B4GALNT4: variants seen among roughly 807,000 people sequenced by gnomAD.
B4GALNT4 encodes beta-1,4-N-acetyl-galactosaminyltransferase 4.
In B4GALNT4, 77 loss-of-function variants were observed where a neutral mutation model predicts 110.0. The ratio of observed to expected loss-of-function variants is 0.70; its 90% CI spans 0.58 to 0.85. B4GALNT4 has a LOEUF of 0.85. B4GALNT4 is among the 40% of genes least tolerant of loss of function. B4GALNT4 has a pLI of 0.00. For missense variants in B4GALNT4, 1,575 were observed against 1,506.0 expected (o/e 1.05, Z -0.76); for synonymous variants, 785 against 655.5 (o/e 1.20, Z -3.02).
intron 10 of B4GALNT4, 35 bp downstream of exon 10, chr11:375,808 G>T (rs1217353575): frequency 6.2e-7 from 1 of 1,603,086 alleles, no homozygotes; most frequent in African/African-American, 1.3e-5. Flanking sequence ...GAGGGCGGGG[G>T]TGCCTGCCCC....
At chr11:375,336 C>G (rs973280790) in intron 8 of B4GALNT4, 125 bp from the exon 9 acceptor site, 20 of 1,006,494 alleles carry the variant, frequency 2.0e-5, no homozygotes, top group Middle Eastern at 6.1e-4. Context: ...CCTCTGCCAT[C>G]TCCTCTCCTG....
Position 375,654 on chromosome 11 carries a change from A to C in B4GALNT4, c.866A>C (p.Lys289Thr). Residue 289 changes from lysine to threonine, a missense_variant, in exon 10 of 20, where the codon AAG (lysine) becomes ACG (threonine). By Grantham distance (78) the Lys-to-Thr change is moderately conservative. Transcript: ENST00000329962. Reference protein sequence around the residue: ...ISLYTDESALKMDHVAHVPQS... With the variant: ...ISLYTDESALTMDHVAHVPQS... The stretch of plus-strand genomic sequence containing the variant: ...CTGCCCCCAGATGAGTCAGCCTTGA[A>C]GATGGACCACGTGGCGCACGTCCCC... The C allele has an allele frequency of 6.3e-7, 1 of 1,592,188 alleles. No homozygotes were observed. The highest frequency in any genetic ancestry group is 1.1e-5 in the South Asian group (1 of 90,798).
At chr11:372,421 C>A (rs1846633212) in intron 2 of B4GALNT4, among the ~76,000 whole-genome samples, 1 of 152,194 alleles carries the variant, frequency 6.6e-6, no homozygotes, top group East Asian at 1.9e-4. Context: ...GCAGCAGGTG[C>A]ATGAATGTGC....
At chr11:373,137 C>CG (rs778194432) in intron 5 of B4GALNT4, 21 bp downstream of exon 5, 3 of 1,612,256 alleles carry the variant, frequency 1.9e-6, no homozygotes, top group Admixed American at 1.7e-5. Context: ...GAGGGTGCCC[C>CG]GGGGGAGGGG....
At position 369,706 on chromosome 11, in the gene B4GALNT4, C is replaced by T. The variant is rs1200401118; in HGVS notation, c.-98C>T. On this transcript the variant is annotated 5_prime_UTR_variant, in exon 1 of 20. Transcript: ENST00000329962. ...ACCATGCGGGGCCGCGGGCGCTGAG[C>T]GCGGCGGGGCGGGCCGGGGATGCGG... 2.0e-5 allele frequency: 12 copies of T among 593,658 alleles called. No individual in the cohort carries two copies. Among genetic ancestry groups the T allele is most frequent in the South Asian group, 7.4e-5 (1 of 13,470 alleles). 36.8% of individuals were successfully genotyped at this position (593,658 alleles called of 1,614,324 possible).
At chr11:378,017 G>A (rs949967660) in intron 14 of B4GALNT4, among the ~76,000 whole-genome samples, 4 of 152,246 alleles carry the variant, frequency 2.6e-5, no homozygotes, top group Middle Eastern at 3.2e-3. Context: ...GGCAGAGGCA[G>A]GGGCAGAGGA....
In B4GALNT4 at chr11:369,575, G is replaced by T. The variant is rs1292502794; in HGVS notation, c.-229G>T. 5.6e-5 allele frequency among the ~76,000 whole-genome samples: 8 copies of T among 143,206 alleles called. No homozygotes were observed. The highest frequency in any genetic ancestry group is 1.1e-4 in the Non-Finnish European group (7 of 64,766). 93.9% of individuals were successfully genotyped at this position (143,206 alleles called of 152,430 possible). A position where few individuals can be genotyped will look rare whatever the true frequency, so the allele number is the denominator to read the frequency against. On this transcript the variant is annotated 5_prime_UTR_variant, in exon 1 of 20. Transcript: ENST00000329962. Reference sequence around the variant, plus strand: ...GCGCGGAGCCGGGAGCGGCCGGGCGGGGGGCACCGCGAGGAGCCGCCCCCG... The same window carrying T: ...GCGCGGAGCCGGGAGCGGCCGGGCGTGGGGCACCGCGAGGAGCCGCCCCCG...
chr11:381,951 C>T lies in B4GALNT4; in HGVS notation c.*159C>T, dbSNP rs1464639679. Reference sequence around the variant, plus strand: ...GGCCCACTGGGCGTCGTGCCCCTCCCCGGAGAGGCAGCCTTCACGGCGGGT... The same window carrying T: ...GGCCCACTGGGCGTCGTGCCCCTCCTCGGAGAGGCAGCCTTCACGGCGGGT... On this transcript the variant is annotated 3_prime_UTR_variant, in exon 20 of 20. Transcript: ENST00000329962. The T allele has an allele frequency of 4.0e-5, 34 of 851,840 alleles. No individual in the cohort carries two copies. The South Asian group carries it at 7.2e-4, about 18-fold the overall frequency. 52.8% of individuals were successfully genotyped at this position (851,840 alleles called of 1,614,324 possible). A position where few individuals can be genotyped will look rare whatever the true frequency, so the allele number is the denominator to read the frequency against.
chr11:380,078 G>A (rs535806161), intron 16 of B4GALNT4, 52 bp from the exon 17 acceptor site: 114 of 1,594,652 alleles, frequency 7.1e-5, no homozygotes, highest in Non-Finnish European at 9.0e-5. Context: ...CCGGGAGATG[G>A]GTTTTCCTGA....
intron 18 of B4GALNT4, 45 bp downstream of exon 18, chr11:380,490 A>C (rs774728229): frequency 3.2e-6 from 5 of 1,542,146 alleles, no homozygotes; most frequent in Non-Finnish European, 4.4e-6. Flanking sequence ...GGTTCCCACC[A>C]ACCGCCGCGG....
chr11:378,075 G>C (rs374135692), intron 14 of B4GALNT4, among the ~76,000 whole-genome samples: 54 of 152,200 alleles, frequency 3.5e-4, no homozygotes, highest in African/African-American at 1.2e-3. Flanking sequence ...GGAAGGTTGC[G>C]AGCAGAGCAA....
chr11:376,786 C>T lies in B4GALNT4; in HGVS notation c.1663C>T (p.Leu555=). The change falls in exon 14 of 20, where the codon CTG becomes TTG. Residue 555 remains leucine, a synonymous_variant. Transcript: ENST00000329962. ...APWPPFPGVF[L]HPRPLPRVQL... ...CTGGCCGCCCTTCCCTGGCGTCTTC[C>T]TGCACCCCAGGCCTCTGCCCAGAGT... The T allele has an allele frequency of 7.2e-7, 1 of 1,387,468 alleles. No individual in the cohort carries two copies. Among genetic ancestry groups the T allele is most frequent in the Non-Finnish European group, 9.3e-7 (1 of 1,073,236 alleles). The allele number at this position is 1,387,468 out of a possible 1,614,324, so 85.9% of individuals were successfully genotyped here. A position where few individuals can be genotyped will look rare whatever the true frequency, so the allele number is the denominator to read the frequency against.
At chr11:371,181 G>C (rs1203903784) in intron 1 of B4GALNT4, among the ~76,000 whole-genome samples, 1 of 152,196 alleles carries the variant, frequency 6.6e-6, no homozygotes, top group African/African-American at 2.4e-5. Context: ...CCGCCCCAGG[G>C]CACCTGTACA....
Position 380,355 on chromosome 11 carries a change from G to C in B4GALNT4, c.2779G>C (p.Gly927Arg). ...HIHFPPNILD[G>R]IRKHCVEGRL... ...CCACTTCCCACCCAACATCCTGGAC[G>C]GCATCCGCAAGCACTGCGTGGAGGG... Residue 927 changes from glycine to arginine, a missense_variant, in exon 18 of 20, where the codon GGC (glycine) becomes CGC (arginine). Coordinates refer to ENST00000329962, the MANE Select transcript of B4GALNT4 (RefSeq NM_178537.5). 7 of 1,613,370 alleles carry C rather than the reference G, an allele frequency of 4.3e-6. No homozygotes were observed. Among genetic ancestry groups the C allele is most frequent in the Non-Finnish European group, 5.9e-6 (7 of 1,179,758 alleles).
chr11:375,712 G>A lies in B4GALNT4; in HGVS notation c.924G>A (p.Pro308=), dbSNP rs1286566899. The change falls in exon 10 of 20, where the codon CCG becomes CCA. Residue 308 remains proline (P), a synonymous_variant. Transcript: ENST00000329962. ...QSPASHVGGR[P]PQEETSADML... is the part of the protein sequence containing the mutation. ...CAGCCAGCCACGTGGGGGGGCGTCC[G>A]CCGCAGGAGGAGACCAGCGCAGACA... 3 of 1,594,520 alleles carry A rather than the reference G, an allele frequency of 1.9e-6. No individual in the cohort carries two copies. Among genetic ancestry groups the A allele is most frequent in the South Asian group, 2.2e-5 (2 of 90,698 alleles).
In B4GALNT4 at chr11:372,195, C is replaced by G; in HGVS notation, c.238C>G (p.Arg80Gly). Residue 80 changes from arginine to glycine, a missense_variant, in exon 2 of 20, where the codon CGT (arginine) becomes GGT (glycine). By Grantham distance (125) the Arg-to-Gly change is moderately radical. Transcript: ENST00000329962. ...TQRAEDSSES[R>G]EEEQAPEGRD... ...GAGGGCTGAGGACTCCAGTGAGAGC[C>G]GTGAAGAGGAGCAAGCGGTGAGCAG... 6.5e-7 allele frequency: 1 copy of G among 1,550,158 alleles called. No individual in the cohort carries two copies. Among genetic ancestry groups the G allele is most frequent in the Non-Finnish European group, 8.7e-7 (1 of 1,146,850 alleles).
At position 381,963 on chromosome 11, in the gene B4GALNT4, C is replaced by G. The variant is rs1329531661; in HGVS notation, c.*171C>G. The G allele has an allele frequency of 2.7e-6, 2 of 753,036 alleles. No individual in the cohort carries two copies. The highest frequency in any genetic ancestry group is 3.7e-5 in the African/African-American group (2 of 53,666). 46.6% of individuals were successfully genotyped at this position (753,036 alleles called of 1,614,324 possible). On this transcript the variant is annotated 3_prime_UTR_variant, in exon 20 of 20. Coordinates refer to ENST00000329962, the MANE Select transcript of B4GALNT4 (RefSeq NM_178537.5). Reference sequence around the variant, plus strand: ...GTCGTGCCCCTCCCCGGAGAGGCAGCCTTCACGGCGGGTCAGGGCCTGGCC... The same window carrying G: ...GTCGTGCCCCTCCCCGGAGAGGCAGGCTTCACGGCGGGTCAGGGCCTGGCC...
chr11:372,212 G>T lies in B4GALNT4; in HGVS notation c.255G>T (p.Ala85=). ...DSSESREEEQ[A]PEGRDLDMLF... is the part of the protein sequence containing the mutation. ...GTGAGAGCCGTGAAGAGGAGCAAGC[G>T]GTGAGCAGAGCCCTGGGGAGAACAC... Residue 85 remains alanine, a splice_region_variant and synonymous_variant, in exon 2 of 20, where the codon GCG becomes GCT. Coordinates refer to ENST00000329962, the MANE Select transcript of B4GALNT4 (RefSeq NM_178537.5). 6.5e-7 allele frequency: 1 copy of T among 1,549,992 alleles called. No homozygotes were observed. Among genetic ancestry groups the T allele is most frequent in the Non-Finnish European group, 8.7e-7 (1 of 1,146,678 alleles).
chr11:376,922 G>C lies in B4GALNT4; in HGVS notation c.1799G>C (p.Arg600Pro). 1 of 1,392,340 alleles carries C rather than the reference G, an allele frequency of 7.2e-7. No homozygotes were observed. The highest frequency in any genetic ancestry group is 1.6e-5 in the South Asian group (1 of 61,204). The allele number at this position is 1,392,340 out of a possible 1,614,324, so 86.2% of individuals were successfully genotyped here. The part of the protein sequence containing the change: ...PARAQATQGG[R>P]EGQARTLGPA... ...CGGGCGCAGGCCACCCAAGGGGGCC[G>C]GGAGGGCCAGGCGCGCACGCTGGGA... is the stretch of plus-strand genomic sequence containing the variant. The change falls in exon 14 of 20, where the codon CGG (arginine) becomes CCG (proline). Residue 600 changes from arginine (R) to proline (P), a missense_variant. Physicochemically the swap from Arg to Pro is moderately radical, Grantham distance 103. Coordinates refer to ENST00000329962, the MANE Select transcript of B4GALNT4 (RefSeq NM_178537.5).
Sources: gnomAD v4.1 joint callset for allele counts (sites outside exome capture counted in the v4.1 genomes callset) on GRCh38, gnomAD v4.1.1 for gene constraint, MANE v1.5 for transcripts, NCBI Gene and HGNC (gene_info 2026-07-23, HGNC 2026-07-21) for gene names.